Variants in SLC37A2 observed in about 807,000 individuals in gnomAD.
SLC37A2 encodes solute carrier family 37 member 2.
Under a neutral mutation model 70.7 loss-of-function variants are expected in SLC37A2, and 59 were observed. The ratio of observed to expected loss-of-function variants is 0.83; its 90% confidence interval spans 0.68 to 1.04. SLC37A2 has a LOEUF of 1.04. Ranked by LOEUF, SLC37A2 falls within the 50% of genes least tolerant of loss-of-function variation. The pLI is 0.00. For synonymous variants in SLC37A2, 257 were observed against 262.1 expected (o/e 0.98, Z 0.19); for missense variants, 580 against 658.1 (o/e 0.88, Z 1.30).
chr11:125,072,145 C>T (rs1023349037), intron 1 of SLC37A2, among the ~76,000 whole-genome samples: 2 of 151,996 alleles, frequency 1.3e-5, no homozygotes, highest in Admixed American at 6.5e-5. Flanking sequence ...TGGTGGCAGT[C>T]GGTCTTTTGG....
Position 125,083,940 on chromosome 11 carries a change from A to T in SLC37A2, c.1039+63A>T. The T allele has an allele frequency of 1.3e-6, 2 of 1,526,866 alleles. No individual in the cohort carries two copies. Among genetic ancestry groups the T allele is most frequent in the South Asian group, 2.2e-5 (2 of 89,150 alleles). 94.6% of individuals were successfully genotyped at this position (1,526,866 alleles called of 1,614,324 possible). A position where few individuals can be genotyped will look rare whatever the true frequency, so the allele number is the denominator to read the frequency against. On this transcript the variant is annotated intron_variant, in intron 11 of 17. Transcript: ENST00000403796. This position sits in a 1 kb window ranked among gnomAD's most constrained non-coding sequence, Gnocchi z 4.6. ...CCCTCTTTTCTTGTGGGGTGCAGGA[A>T]GAAGGGACAGGTCCGATGGGCTATG...
In SLC37A2 at chr11:125,064,788, GA is replaced by G. The variant is rs1948966196; in HGVS notation, c.59+1363del. ...TAATCGGTTCAAAAGAGAATCTAGA[GA>G]GGGGGATTGGGGAATTATTGTTTAA... On this transcript the variant is annotated intron_variant, in intron 1 of 17. Coordinates refer to ENST00000403796, the MANE Select transcript of SLC37A2 (RefSeq NM_001145290.2). 2.6e-5 allele frequency among the ~76,000 whole-genome samples: 4 copies of G among 152,316 alleles called. No homozygotes were observed. In the South Asian group the frequency reaches 6.2e-4, roughly 24 times the overall value.
At chr11:125,087,146 G>C (rs930027026) in intron 17 of SLC37A2, 1 of 152,598 alleles carries the variant, frequency 6.6e-6, no homozygotes, top group African/African-American at 2.4e-5. Context: ...AAAGCGAGGA[G>C]GATTTAGTGA....
intron 13 of SLC37A2, 63 bp from the exon 14 acceptor site, chr11:125,085,003 G>A: frequency 6.3e-7 from 1 of 1,596,734 alleles, no homozygotes; most frequent in Non-Finnish European, 8.6e-7. Context: ...GAGTGCTCCT[G>A]CCTTGGGGTT....
Position 125,081,438 on chromosome 11 carries a change from T to A in SLC37A2, c.712T>A (p.Cys238Ser). 1 of 1,608,960 alleles carries A rather than the reference T, an allele frequency of 6.2e-7. No individual in the cohort carries two copies. Among genetic ancestry groups the A allele is most frequent in the Non-Finnish European group, 8.5e-7 (1 of 1,177,304 alleles). ...TTTTCTAGACCCAGAAGATGTGGAC[T>A]GCGCCCCTCCTCAGCACCACGTGAG... ...FLIEHPEDVD[C>S]APPQHHGEPA... Residue 238 changes from cysteine to serine, a missense_variant, in exon 8 of 18, where the codon TGC becomes AGC. Cys to Ser is a moderately radical substitution (Grantham distance 112, BLOSUM62 -1). Transcript: ENST00000403796.
At chr11:125,077,128 T>C in intron 2 of SLC37A2, 102 bp from the exon 3 acceptor site, 7 of 947,492 alleles carry the variant, frequency 7.4e-6, no homozygotes, top group South Asian at 1.6e-5. Context: ...AGCGGGGACA[T>C]AGAATCTGGT....
intron 1 of SLC37A2, among the ~76,000 whole-genome samples, chr11:125,074,022 C>G (rs1949055943): frequency 6.6e-6 from 1 of 152,214 alleles, no homozygotes; most frequent in Non-Finnish European, 1.5e-5. Flanking sequence ...CCACCTGAGG[C>G]CCCTGCCCTT....
chr11:125,084,678 A>C (rs1246091080), intron 12 of SLC37A2, 147 bp from the exon 13 acceptor site: 8 of 829,056 alleles, frequency 9.6e-6, no homozygotes, highest in Non-Finnish European at 1.6e-5. Context: ...TGGGACATTT[A>C]AAGACCAGAG....
At position 125,084,293 on chromosome 11, in the gene SLC37A2, G is replaced by C; in HGVS notation, c.1099G>C (p.Val367Leu). 1 of 1,614,260 alleles carries C rather than the reference G, an allele frequency of 6.2e-7. No homozygotes were observed. The highest frequency in any genetic ancestry group is 8.5e-7 in the Non-Finnish European group (1 of 1,180,054). The part of the protein sequence containing the change: ...YTNGRATTCC[V>L]MLILAAPMMF... ...CAATGGCAGGGCCACCACTTGCTGT[G>C]TCATGCTCATCTTGGCTGCCCCCAT... is the stretch of plus-strand genomic sequence containing the variant. Residue 367 changes from valine to leucine, a missense_variant, in exon 12 of 18, where the codon GTC becomes CTC. Transcript: ENST00000403796.
chr11:125,077,405 G>A (rs201306415), intron 3 of SLC37A2, 45 bp from the exon 4 acceptor site: 41 of 1,599,418 alleles, frequency 2.6e-5, no homozygotes, highest in Non-Finnish European at 3.3e-5. Flanking sequence ...CTTCCTGCAG[G>A]GGCATCCACG....
rs60955570 is a variant in SLC37A2, at chr11:125,088,594, AT to A, written c.*461del. 0.25 allele frequency: 38,919 copies of A among 158,184 alleles called. 4,946 individuals carry two copies. Among genetic ancestry groups the A allele is most frequent in the Non-Finnish European group, 0.27 (19,562 of 71,828 alleles). The allele number at this position is 158,184 out of a possible 1,614,324, so 9.8% of individuals were successfully genotyped here. A position where few individuals can be genotyped will look rare whatever the true frequency, so the allele number is the denominator to read the frequency against. On this transcript the variant is annotated 3_prime_UTR_variant, in exon 18 of 18. Transcript: ENST00000403796. Reference sequence around the variant, plus strand: ...GAGCCCAGCCTCTCTTTGTCCCTCTATCCATGCAACAGTCTTCTCTGTGCAT... The same window carrying A: ...GAGCCCAGCCTCTCTTTGTCCCTCTACCATGCAACAGTCTTCTCTGTGCAT...
rs780641772 is a variant in SLC37A2, at chr11:125,080,727, C to T, written c.641C>T (p.Pro214Leu). 4.5e-5 allele frequency: 70 copies of T among 1,564,250 alleles called. 1 individual carries two copies. In the South Asian group the frequency reaches 7.8e-4, roughly 17 times the overall value. Residue 214 changes from proline to leucine, a missense_variant, in exon 7 of 18, where the codon CCT becomes CTT. Transcript: ENST00000403796. The surrounding 1 kb of genome is among the most constrained non-coding windows in gnomAD (Gnocchi z 4.3). ...CAGTGGGGCCTGTCGTTCATCGTGCCTGGCATCATTACTGCCGTCATGGGC... is the reference window on the plus strand; with the variant it reads ...CAGTGGGGCCTGTCGTTCATCGTGCTTGGCATCATTACTGCCGTCATGGGC... The part of the protein sequence containing the change: ...NGQWGLSFIV[P>L]GIITAVMGVI...
chr11:125,076,175 C>T (rs1313539993), intron 1 of SLC37A2, among the ~76,000 whole-genome samples: 6 of 152,090 alleles, frequency 3.9e-5, no homozygotes, highest in Admixed American at 1.3e-4. Context: ...TGGGCTCTGT[C>T]CAGTGGGATG....
chr11:125,086,402 CAT>C, intron 17 of SLC37A2: 1 of 742,790 alleles, frequency 1.3e-6, no homozygotes, highest in South Asian at 1.6e-5. Context: ...CTCAGCAGAG[CAT>C]GGTGCTTGGG....
chr11:125,087,814 TAG>T lies in SLC37A2; in HGVS notation c.1491-301_1491-300del, dbSNP rs532316224. On this transcript the variant is annotated intron_variant, in intron 17 of 17. Coordinates refer to ENST00000403796, the MANE Select transcript of SLC37A2 (RefSeq NM_001145290.2). ...CGCCCGGCTAATTTTGTATTTTTAG[TAG>T]AGACAGGGTTTCTCCATGTTGGTCA... is the stretch of plus-strand genomic sequence containing the variant. 2.0e-4 allele frequency: 50 copies of T among 249,084 alleles called. No individual in the cohort carries two copies. In the South Asian group the frequency reaches 2.8e-3, roughly 14 times the overall value. 15.4% of individuals were successfully genotyped at this position (249,084 alleles called of 1,614,324 possible).
chr11:125,064,670 A>G (rs1194016088), intron 1 of SLC37A2, among the ~76,000 whole-genome samples: 2 of 152,338 alleles, frequency 1.3e-5, no homozygotes, highest in Non-Finnish European at 2.9e-5. Flanking sequence ...ATTTTTCAGA[A>G]AAAGATTAAA....
chr11:125,084,962 G>A, intron 13 of SLC37A2, 89 bp downstream of exon 13: 1 of 1,595,002 alleles, frequency 6.3e-7, no homozygotes, highest in Non-Finnish European at 8.6e-7. Context: ...GGCACTGACA[G>A]GTGGAGGGGC....
At position 125,085,361 on chromosome 11, in the gene SLC37A2, A is replaced by C. The variant is rs374543914; in HGVS notation, c.1249-34A>C. The C allele has an allele frequency of 2.5e-6, 4 of 1,600,500 alleles. No homozygotes were observed. The African/African-American group carries it at 5.4e-5, about 21-fold the overall frequency. ...CCTGGTTCTGCTCATGCTGCTGCTCAGCTGGGCTTCCCCACTCCACTGTCT... is the reference window on the plus strand; with the variant it reads ...CCTGGTTCTGCTCATGCTGCTGCTCCGCTGGGCTTCCCCACTCCACTGTCT... On this transcript the variant is annotated intron_variant, in intron 14 of 17. Transcript: ENST00000403796.
At chr11:125,084,466 G>C in intron 12 of SLC37A2, 147 bp downstream of exon 12, 1 of 857,756 alleles carries the variant, frequency 1.2e-6, no homozygotes, top group East Asian at 2.7e-5. Flanking sequence ...CGGGGGAGGA[G>C]AAGCGAGGGT....
Sources: allele counts gnomAD v4.1 joint callset (sites outside exome capture counted in the v4.1 genomes callset), GRCh38; gene constraint gnomAD v4.1.1; non-coding constraint Gnocchi (gnomAD v3.1); transcripts MANE v1.5; gene names NCBI Gene and HGNC (gene_info 2026-07-23, HGNC 2026-07-21).